Variants in WDFY4 observed in about 807,000 individuals in gnomAD.
WDFY4 encodes the protein WD repeat- and FYVE domain-containing protein 4.
WDFY4 carries 169 observed loss-of-function variants against 351.9 expected under a neutral mutation model. The observed-to-expected ratio is 0.48, with a 90% CI of 0.42 to 0.55. The LOEUF (loss-of-function observed/expected upper bound fraction) is 0.55, where lower values mean the gene tolerates loss of function less well. WDFY4 is among the 20% of genes least tolerant of loss of function. The pLI is 0.00. For synonymous variants in WDFY4, 1,622 were observed against 1,574.6 expected, an observed-to-expected ratio of 1.03 and a Z score of -0.71; for missense variants, 3,803 against 3,935.6, an observed-to-expected ratio of 0.97 and a Z score of 0.90.
At chr10:48,686,882 T>A (rs1365228484) in intron 1 of WDFY4, among the ~76,000 whole-genome samples, 2 of 152,222 alleles carry the variant, frequency 1.3e-5, no homozygotes, top group East Asian at 1.9e-4. Context: ...GTATATACTC[T>A]AGAAATAGAA....
At chr10:48,894,053 G>A (rs1251720644) in intron 44 of WDFY4, among the ~76,000 whole-genome samples, 1 of 152,182 alleles carries the variant, frequency 6.6e-6, no homozygotes, top group Non-Finnish European at 1.5e-5. Flanking sequence ...CCCAATCACA[G>A]CTGTGTGAAT....
At chr10:48,775,665 T>C in intron 14 of WDFY4, 47 bp from the exon 15 acceptor site, 3 of 1,512,470 alleles carry the variant, frequency 2.0e-6, no homozygotes, top group Non-Finnish European at 2.7e-6. Context: ...GAGAACACTG[T>C]TGCTAGTAAA....
chr10:48,813,091 G>A (rs1439692109), intron 30 of WDFY4, among the ~76,000 whole-genome samples: 1 of 152,058 alleles, frequency 6.6e-6, no homozygotes, highest in African/African-American at 2.4e-5. Flanking sequence ...CCTGAAGAAC[G>A]GACCCACCTT....
intron 12 of WDFY4, among the ~76,000 whole-genome samples, chr10:48,757,983 G>A (rs1485295058): frequency 3.9e-5 from 6 of 152,044 alleles, no homozygotes; most frequent in African/African-American, 1.4e-4. Flanking sequence ...AACTTAAGAA[G>A]AGAACAATAA....
rs1428595877 is a variant in WDFY4, at chr10:48,817,273, G to C, written c.5369G>C (p.Trp1790Ser). ...CTGGCAGGTTCTGAGGATGGTGCCT[G>C]GGCACAGACCTTCCCGGCCAGCGTG... ...QPLAGSEDGA[W>S]AQTFPASVLQ... The change falls in exon 32 of 62, where the codon TGG becomes TCG. Residue 1790 changes from tryptophan to serine, a missense_variant. Around this residue, in one of 3 missense-constraint regions of WDFY4, gnomAD observed 3,054 missense variants for 3,148.6 expected, o/e 0.97. Transcript: ENST00000325239. 1.1e-5 allele frequency: 17 copies of C among 1,551,682 alleles called. No individual in the cohort carries two copies. The South Asian group carries it at 1.9e-4, about 17-fold the overall frequency.
intron 12 of WDFY4, 136 bp from the exon 13 acceptor site, chr10:48,760,211 A>T: frequency 1.4e-6 from 1 of 710,412 alleles, no homozygotes; most frequent in Non-Finnish European, 2.3e-6. Flanking sequence ...TCGATGGAGT[A>T]GTTCAATGTC....
At chr10:48,876,794 G>A (rs935527035) in intron 42 of WDFY4, among the ~76,000 whole-genome samples, 1 of 152,204 alleles carries the variant, frequency 6.6e-6, no homozygotes, top group Non-Finnish European at 1.5e-5. Context: ...CTAGGCCTGG[G>A]CATATCTGGG....
At chr10:48,850,840 A>C (rs2068934218) in intron 39 of WDFY4, among the ~76,000 whole-genome samples, 1 of 152,250 alleles carries the variant, frequency 6.6e-6, no homozygotes, top group Non-Finnish European at 1.5e-5. Context: ...GGCCTCACCA[A>C]GATCAAAAGT....
intron 47 of WDFY4, among the ~76,000 whole-genome samples, chr10:48,916,161 C>G (rs537647357): frequency 1.3e-5 from 2 of 152,316 alleles, no homozygotes; most frequent in South Asian, 4.1e-4. Context: ...AAAGACCAAT[C>G]TGGCCACAAG....
At chr10:48,821,957 G>C (rs1464215998) in intron 34 of WDFY4, among the ~76,000 whole-genome samples, 1 of 152,218 alleles carries the variant, frequency 6.6e-6, no homozygotes, top group African/African-American at 2.4e-5. Flanking sequence ...GGTTAGTTGA[G>C]ATCATCACAC....
chr10:48,931,575 A>T lies in WDFY4; in HGVS notation c.7587-10231A>T, dbSNP rs367804092. 1.5e-3 allele frequency among the ~76,000 whole-genome samples: 233 copies of T among 152,284 alleles called. 3 individuals carry two copies. The highest frequency in any genetic ancestry group is 1.5e-3 in the Non-Finnish European group (102 of 68,018). On this transcript the variant is annotated intron_variant, in intron 47 of 61. Coordinates refer to ENST00000325239, the MANE Select transcript of WDFY4 (RefSeq NM_001394531.1). ...CTTTCTCCCTGCAACCTCCATCCAG[A>T]GGTGAAGAACTGTGGGGAAACTGTG...
chr10:48,855,836 T>TTTATAAC (rs2069113641), intron 39 of WDFY4, among the ~76,000 whole-genome samples: 1 of 152,080 alleles, frequency 6.6e-6, no homozygotes, highest in Non-Finnish European at 1.5e-5. Context: ...GTTTTATAAC[T>TTTATAAC]TTTGTTACAG....
At chr10:48,882,788 G>A (rs940478282) in intron 43 of WDFY4, among the ~76,000 whole-genome samples, 1 of 152,132 alleles carries the variant, frequency 6.6e-6, no homozygotes, top group Non-Finnish European at 1.5e-5. Context: ...CATTTACAAG[G>A]GATCTGCCCC....
intron 43 of WDFY4, among the ~76,000 whole-genome samples, chr10:48,880,570 G>T (rs760076782): frequency 6.6e-6 from 1 of 152,230 alleles, no homozygotes; most frequent in Non-Finnish European, 1.5e-5. Context: ...TGTGGAACCC[G>T]GTGGGCGGTC....
At chr10:48,900,335 G>A (rs1444757558) in intron 46 of WDFY4, 29 bp downstream of exon 46, 6 of 1,533,934 alleles carry the variant, frequency 3.9e-6, no homozygotes, top group African/African-American at 1.4e-5. Flanking sequence ...TCCTTCTGAG[G>A]AAACTGATCC....
rs1444746218 is a variant in WDFY4, at chr10:48,786,759, C to T, written c.3697C>T (p.Arg1233Cys). ...VWKQKSSLIW[R>C]LGPTYLFEEA... The stretch of plus-strand genomic sequence containing the variant: ...GAAACAAAAGTCTTCATTAATCTGG[C>T]GTCTTGGCCCCACATACCTCTTTGA... The change falls in exon 20 of 62, where the codon CGT becomes TGT. Residue 1233 changes from arginine to cysteine, a missense_variant. Physicochemically the swap from Arg to Cys is radical, Grantham distance 180. Transcript: ENST00000325239. The T allele has an allele frequency of 1.4e-5, 22 of 1,552,232 alleles. No individual in the cohort carries two copies. Among genetic ancestry groups the T allele is most frequent in the Middle Eastern group, 1.7e-4 (1 of 6,020 alleles).
chr10:48,817,084 C>T (rs1180272445), intron 31 of WDFY4, among the ~76,000 whole-genome samples, 161 bp from the exon 32 acceptor site: 3 of 152,206 alleles, frequency 2.0e-5, no homozygotes, highest in Non-Finnish European at 4.4e-5. Flanking sequence ...TAAACCCTTC[C>T]TCAATTGGAC....
Position 48,873,529 on chromosome 10 carries a change from G to A in WDFY4, c.6780G>A (p.Trp2260Ter). ...GCAACATCAAGGCAGCCAACGCCTG[G>A]GCCAGGATCCAGGAGCAGCTTTTTG... ...KCGNIKAANAWARIQEQLFGE... is the reference protein window; with the variant it reads ...KCGNIKAANA Residue 2260 changes from tryptophan (W) to a stop codon, truncating the protein, a stop_gained, in exon 41 of 62, where the codon TGG becomes TGA. Transcript: ENST00000325239. LOFTEE classifies it high-confidence loss of function. The A allele has an allele frequency of 6.4e-7, 1 of 1,551,630 alleles. No individual in the cohort carries two copies. The highest frequency in any genetic ancestry group is 8.7e-7 in the Non-Finnish European group (1 of 1,146,932).
At chr10:48,724,807 G>A (rs1370439656) in intron 5 of WDFY4, among the ~76,000 whole-genome samples, 3 of 152,176 alleles carry the variant, frequency 2.0e-5, no homozygotes, top group African/African-American at 4.8e-5. Context: ...CCAGGAATAA[G>A]TGTGTTGTTA....
Sources: allele counts gnomAD v4.1 joint callset (sites outside exome capture counted in the v4.1 genomes callset), GRCh38; gene constraint gnomAD v4.1.1; regional missense constraint gnomAD v4.1.1; transcripts MANE v1.5; gene names NCBI Gene and HGNC (gene_info 2026-07-23, HGNC 2026-07-21).